ASMT: variants seen among roughly 807,000 people sequenced by gnomAD.
The protein encoded by ASMT is acetylserotonin N-methyltransferase.
A neutral mutation model predicts 41.3 loss-of-function variants in ASMT; 53 were observed. The ratio of observed to expected loss-of-function variants is 1.28; its 90% CI spans 1.03 to 1.61. The LOEUF (loss-of-function observed/expected upper bound fraction) is 1.61, where lower values mean the gene tolerates loss of function less well. Among genes scored for constraint, ASMT ranks in the 40% most tolerant of loss-of-function variants. The pLI, the probability that ASMT is intolerant of heterozygous loss-of-function variation, is 0.00. For synonymous variants in ASMT, 231 were observed against 184.8 expected, an observed-to-expected ratio of 1.25 and a Z score of -2.03; for missense variants, 531 against 441.3, an observed-to-expected ratio of 1.20 and a Z score of -1.82.
intron 5 of ASMT, among the ~76,000 whole-genome samples, chrX:1,630,234 A>G (rs1238684932): frequency 8.0e-5 from 12 of 150,920 alleles, no homozygotes; most frequent in African/African-American, 2.9e-4. Context: ...CCTGGGTTCA[A>G]GCGATTCTCC....
chrX:1,634,213 A>G (rs1289431865), intron 7 of ASMT, among the ~76,000 whole-genome samples: 1 of 152,204 alleles, frequency 6.6e-6, no homozygotes, highest in African/African-American at 2.4e-5. Flanking sequence ...AAGAATACAG[A>G]TGCATATCAG....
At position 1,617,056 on chromosome X, in the gene ASMT, C is replaced by G. The variant is rs1189648015; in HGVS notation, c.69+1788C>G. Among the ~76,000 whole-genome samples the G allele has an allele frequency of 1.4e-4, 21 of 152,184 alleles. 1 individual carries two copies. Among genetic ancestry groups the G allele is most frequent in the Non-Finnish European group, 2.6e-4 (18 of 67,992 alleles). On this transcript the variant is annotated intron_variant, in intron 1 of 8. Transcript: ENST00000381241. ...GGTGGGGTGGTGCACACCTGTAGTCCCAGCTACTCAGGAGGCTGAGGCGGG... is the reference window on the plus strand; with the variant it reads ...GGTGGGGTGGTGCACACCTGTAGTCGCAGCTACTCAGGAGGCTGAGGCGGG...
chrX:1,634,362 C>T (rs1223535019), intron 7 of ASMT, among the ~76,000 whole-genome samples: 1 of 152,202 alleles, frequency 6.6e-6, no homozygotes, highest in African/African-American at 2.4e-5. Flanking sequence ...CACTGCCAGC[C>T]TGGAGAGCCT....
At chrX:1,616,124 G>T (rs1934091840) in intron 1 of ASMT, among the ~76,000 whole-genome samples, 1 of 151,046 alleles carries the variant, frequency 6.6e-6, no homozygotes, top group Admixed American at 6.6e-5. Context: ...CGCCTCCAGG[G>T]TTCAGGCTAT....
chrX:1,643,013 A>C lies in ASMT; in HGVS notation c.1121A>C (p.Ter374SerextTer8). 6.2e-7 allele frequency: 1 copy of C among 1,613,926 alleles called. No homozygotes were observed. Among genetic ancestry groups the C allele is most frequent in the Non-Finnish European group, 8.5e-7 (1 of 1,179,824 alleles). ...AIYDAILARK* is the reference protein window; with the variant it reads ...AIYDAILARKS Reference sequence around the variant, plus strand: ...TATGATGCCATTTTAGCCAGGAAATAACTGTTTCTTGTGACCTGGAACTAA... The same window carrying C: ...TATGATGCCATTTTAGCCAGGAAATCACTGTTTCTTGTGACCTGGAACTAA... The change falls in exon 9 of 9, where the codon TAA becomes TCA. Residue 374 changes from the stop codon to serine (S), a stop_lost. Coordinates refer to ENST00000381241, the MANE Select transcript of ASMT (RefSeq NM_001171038.2).
chrX:1,627,015 C>A (rs1427249421), intron 3 of ASMT, among the ~76,000 whole-genome samples: 2 of 149,268 alleles, frequency 1.3e-5, no homozygotes, highest in Non-Finnish European at 3.0e-5. Flanking sequence ...GGCGACACAG[C>A]GAGACTCCGT....
chrX:1,630,917 A>ATT (rs1457094380), intron 5 of ASMT, among the ~76,000 whole-genome samples: 1 of 138,900 alleles, frequency 7.2e-6, no homozygotes, highest in African/African-American at 2.7e-5. Flanking sequence ...TTATTTATTT[A>ATT]TTTTTTTTTT....
chrX:1,627,668 T>A (rs1569376070), intron 3 of ASMT, 35 bp from the exon 4 acceptor site: 1 of 1,201,546 alleles, frequency 8.3e-7, no homozygotes. Context: ...TGAAATGAAA[T>A]GAAATGAAAA....
At chrX:1,630,041 A>T in intron 5 of ASMT, 102 bp downstream of exon 5, 3 of 1,078,892 alleles carry the variant, frequency 2.8e-6, no homozygotes, top group Non-Finnish European at 4.3e-6. Context: ...ATGCTTTGAC[A>T]TGTGCGGCCT....
At position 1,633,141 on chromosome X, in the gene ASMT, C is replaced by G. The variant is rs1934839876; in HGVS notation, c.647-9C>G. 1 of 1,613,834 alleles carries G rather than the reference C, an allele frequency of 6.2e-7. No individual in the cohort carries two copies. The highest frequency in any genetic ancestry group is 8.5e-7 in the Non-Finnish European group (1 of 1,179,848). On this transcript the variant is annotated splice_polypyrimidine_tract_variant and intron_variant, in intron 6 of 8. Coordinates refer to ENST00000381241, the MANE Select transcript of ASMT (RefSeq NM_001171038.2). ...CTCTGAGGGTCAAACGGGCTGTGTC[C>G]CCTTCCAGGTGGGGCTGGAGCTCTG...
intron 8 of ASMT, among the ~76,000 whole-genome samples, chrX:1,642,056 C>A (rs1450152951): frequency 6.9e-6 from 1 of 145,902 alleles, no homozygotes; most frequent in East Asian, 2.1e-4. Context: ...GAGGTCCATC[C>A]ATCCTGATGG....
Position 1,634,901 on chromosome X carries a change from G to A in ASMT, c.788-1537G>A, listed in dbSNP as rs747759119. 4.0e-5 allele frequency among the ~76,000 whole-genome samples: 6 copies of A among 151,802 alleles called. No homozygotes were observed. In the South Asian group the frequency reaches 1.2e-3, roughly 32 times the overall value. ...AGGCTGGTTTTGAATTCCTGACCTCGTGATCCACCTGCCTCGGCCTCCCAA... is the reference window on the plus strand; with the variant it reads ...AGGCTGGTTTTGAATTCCTGACCTCATGATCCACCTGCCTCGGCCTCCCAA... On this transcript the variant is annotated intron_variant, in intron 7 of 8. Transcript: ENST00000381241.
rs775872989 is a variant in ASMT, at chrX:1,633,387, C to A, written c.787+97C>A. On this transcript the variant is annotated intron_variant, in intron 7 of 8. Transcript: ENST00000381241. ...AATGAAGAAGATGTGATGTGGTTTTCCTCTCACTCCCGGAAACACCCTCAA... is the reference window on the plus strand; with the variant it reads ...AATGAAGAAGATGTGATGTGGTTTTACTCTCACTCCCGGAAACACCCTCAA... 3 of 1,495,920 alleles carry A rather than the reference C, an allele frequency of 2.0e-6. No individual in the cohort carries two copies. The East Asian group carries it at 6.8e-5, about 34-fold the overall frequency. 92.7% of individuals were successfully genotyped at this position (1,495,920 alleles called of 1,614,324 possible). A position where few individuals can be genotyped will look rare whatever the true frequency, so the allele number is the denominator to read the frequency against.
chrX:1,616,612 G>A (rs761283658), intron 1 of ASMT, among the ~76,000 whole-genome samples: 1 of 151,572 alleles, frequency 6.6e-6, no homozygotes, highest in East Asian at 1.9e-4. Flanking sequence ...GGTGACACCT[G>A]TCATCCCAAC....
At chrX:1,620,339 T>C (rs1934295703) in intron 1 of ASMT, among the ~76,000 whole-genome samples, 1 of 151,386 alleles carries the variant, frequency 6.6e-6, no homozygotes, top group Admixed American at 6.6e-5. Flanking sequence ...GCCTACTTTT[T>C]GTATTTTTAG....
chrX:1,636,974 T>G (rs765189500), intron 8 of ASMT, among the ~76,000 whole-genome samples: 1 of 75,684 alleles, frequency 1.3e-5, no homozygotes, highest in Admixed American at 1.2e-4. Context: ...TGATGGCACA[T>G]GAGGATGTGG....
intron 4 of ASMT, 28 bp from the exon 5 acceptor site, chrX:1,629,793 T>A: frequency 6.2e-7 from 1 of 1,608,286 alleles, no homozygotes; most frequent in East Asian, 2.2e-5. Flanking sequence ...ATCCTCACCA[T>A]CTTGACAAGC....
At position 1,629,554 on chromosome X, in the gene ASMT, A is replaced by C. The variant is rs182317693; in HGVS notation, c.444-267A>C. Among the ~76,000 whole-genome samples, 263 of 151,934 alleles carry C rather than the reference A, an allele frequency of 1.7e-3. 2 individuals are homozygous for C. The highest frequency in any genetic ancestry group is 6.1e-3 in the African/African-American group (253 of 41,426). ...GACTTTCCTCTTAGAAAACATCTAA[A>C]CTCCTCTTCAGATAGAAATCCCTTC... is the stretch of plus-strand genomic sequence containing the variant. On this transcript the variant is annotated intron_variant, in intron 4 of 8. Coordinates refer to ENST00000381241, the MANE Select transcript of ASMT (RefSeq NM_001171038.2).
intron 3 of ASMT, among the ~76,000 whole-genome samples, chrX:1,624,931 C>G (rs868261481): frequency 0.1 from 3,155 of 30,560 alleles, 6 homozygotes; most frequent in Middle Eastern, 0.23. Context: ...GGGAGGTGGG[C>G]GCTGCACCCA....
Sources: allele counts gnomAD v4.1 joint callset (sites outside exome capture counted in the v4.1 genomes callset), GRCh38; gene constraint gnomAD v4.1.1; transcripts MANE v1.5; gene names NCBI Gene and HGNC (gene_info 2026-07-23, HGNC 2026-07-21).